The following FSTL4 variants were observed in gnomAD, a reference collection of about 807,000 sequenced individuals.
FSTL4 encodes follistatin-related protein 4.
A neutral mutation model predicts 78.2 loss-of-function variants in FSTL4; 28 were observed. The observed-to-expected ratio is 0.36, with a 90% CI of 0.27 to 0.49. The LOEUF (loss-of-function observed/expected upper bound fraction) is 0.49. Ranked by LOEUF, FSTL4 falls within the 20% of genes least tolerant of loss-of-function variation. The probability of loss-of-function intolerance (pLI) is 0.98; values close to 1 mark genes in which losing one functional copy is unlikely to be tolerated. For synonymous variants in FSTL4, 422 were observed against 440.5 expected (o/e 0.96, Z 0.53); for missense variants, 922 against 1,084.9 (o/e 0.85, Z 2.11).
chr5:133,329,056 C>T (rs1046846965), intron 4 of FSTL4, among the ~76,000 whole-genome samples: 4 of 152,142 alleles, frequency 2.6e-5, no homozygotes, highest in African/African-American at 9.7e-5. Flanking sequence ...CTGAGGCTGT[C>T]GCTTCCTCCG....
At chr5:133,616,576 ACT>A (rs1329458978), upstream of FSTL4, among the ~76,000 whole-genome samples, 1 of 151,684 alleles carries the variant, frequency 6.6e-6, no homozygotes, top group Non-Finnish European at 1.5e-5. Context: ...TAATTTTTGT[ACT>A]TTTTGTAGAG....
intron 6 of FSTL4, among the ~76,000 whole-genome samples, chr5:133,251,730 G>T (rs142758538): frequency 1.3e-3 from 194 of 152,300 alleles, no homozygotes; most frequent in African/African-American, 4.6e-3. Flanking sequence ...TTTCTGTGAG[G>T]TGAACAACCA....
intron 3 of FSTL4, among the ~76,000 whole-genome samples, chr5:133,406,484 C>A (rs933969828): frequency 2.0e-5 from 3 of 152,194 alleles, no homozygotes; most frequent in Admixed American, 1.3e-4. Context: ...CCCCTCAGGG[C>A]TGCTGGTGGG....
intron 3 of FSTL4, among the ~76,000 whole-genome samples, chr5:133,552,979 A>T (rs1759718172): frequency 6.6e-6 from 1 of 152,212 alleles, no homozygotes; most frequent in South Asian, 2.1e-4. Context: ...TCTCAACTGT[A>T]GGGTTCAGGG....
rs551730073 is a variant in FSTL4, at chr5:133,400,817, G to A, written c.330C>T (p.Asn110=). The A allele has an allele frequency of 1.9e-5, 31 of 1,613,908 alleles. No individual in the cohort carries two copies. The highest frequency in any genetic ancestry group is 2.3e-5 in the Non-Finnish European group (27 of 1,179,994). Residue 110 remains asparagine, a synonymous_variant, in exon 4 of 16, where the codon AAC becomes AAT. Transcript: ENST00000265342. Reference sequence around the variant, plus strand: ...AAGCAGCACGGTGGAGCTTACAGTGGTTTTCATAAAACCTCCCATCAGAGC... The same window carrying A: ...AAGCAGCACGGTGGAGCTTACAGTGATTTTCATAAAACCTCCCATCAGAGC... ...VCGSDGRFYE[N]HCKLHRAACL...
chr5:133,495,786 A>G, intron 3 of FSTL4, among the ~76,000 whole-genome samples: 1 of 152,226 alleles, frequency 6.6e-6, no homozygotes, highest in African/African-American at 2.4e-5. Context: ...CACTGTGACC[A>G]AAATCTGTCT....
chr5:133,445,298 G>C lies in FSTL4; in HGVS notation c.161-44312C>G, dbSNP rs531233299. Among the ~76,000 whole-genome samples, 7 of 152,196 alleles carry C rather than the reference G, an allele frequency of 4.6e-5. No homozygotes were observed. The Middle Eastern group carries it at 0.014, about 296-fold the overall frequency. Reference sequence around the variant, plus strand: ...AGGTGAGGGACTGGCCTGGCTGCAGGAGTGCTCCCTCAGATCACTGCTGCG... The same window carrying C: ...AGGTGAGGGACTGGCCTGGCTGCAGCAGTGCTCCCTCAGATCACTGCTGCG... On this transcript the variant is annotated intron_variant, in intron 3 of 15. Transcript: ENST00000265342.
the FSTL4 span, among the ~76,000 whole-genome samples, chr5:133,684,297 C>A: frequency 6.6e-6 from 1 of 152,206 alleles, no homozygotes; most frequent in Admixed American, 6.5e-5. Flanking sequence ...TCCTCCCCGA[C>A]CCTCGCAGGT....
At chr5:133,613,329 G>A (rs894097360), upstream of FSTL4, among the ~76,000 whole-genome samples, 5 of 152,200 alleles carry the variant, frequency 3.3e-5, no homozygotes, top group African/African-American at 1.2e-4. Flanking sequence ...CCCTACCCAG[G>A]CCAGGCTGAT....
the FSTL4 span, among the ~76,000 whole-genome samples, chr5:133,660,653 T>C: frequency 6.6e-6 from 1 of 152,226 alleles, no homozygotes; most frequent in Non-Finnish European, 1.5e-5. Flanking sequence ...CTCCCCAGCC[T>C]GTGCCACTGG....
At chr5:133,582,387 G>A (rs994510774) in intron 2 of FSTL4, among the ~76,000 whole-genome samples, 4 of 152,210 alleles carry the variant, frequency 2.6e-5, no homozygotes, top group South Asian at 2.1e-4. Flanking sequence ...TGAGACTGCA[G>A]TGAGAGCTGA....
chr5:133,395,931 T>C (rs1002470168), intron 4 of FSTL4, among the ~76,000 whole-genome samples: 5 of 152,190 alleles, frequency 3.3e-5, no homozygotes, highest in Non-Finnish European at 7.3e-5. Flanking sequence ...CAGAGATACC[T>C]GATTCTCCCC....
At chr5:133,630,102 T>C in the FSTL4 span, among the ~76,000 whole-genome samples, 1 of 152,248 alleles carries the variant, frequency 6.6e-6, no homozygotes, top group Non-Finnish European at 1.5e-5. Flanking sequence ...AAGGATGCCC[T>C]CTCTCACCAC....
chr5:133,626,878 CT>C, the FSTL4 span, among the ~76,000 whole-genome samples: 1 of 152,074 alleles, frequency 6.6e-6, no homozygotes, highest in Non-Finnish European at 1.5e-5. Context: ...GTGGAGTATT[CT>C]GCAACTATTG....
chr5:133,695,054 T>C, the FSTL4 span, among the ~76,000 whole-genome samples: 52,874 of 151,936 alleles, frequency 0.35, 10,031 homozygotes, highest in African/African-American at 0.5. Flanking sequence ...AGGGCTAGGA[T>C]CCTCAGGTCC....
At chr5:133,431,780 T>C (rs930610400) in intron 3 of FSTL4, among the ~76,000 whole-genome samples, 1 of 152,168 alleles carries the variant, frequency 6.6e-6, no homozygotes, top group Non-Finnish European at 1.5e-5. Context: ...TACACATCAG[T>C]AAATAACCTG....
At chr5:133,827,092 C>A in the FSTL4 span, among the ~76,000 whole-genome samples, 3 of 152,228 alleles carry the variant, frequency 2.0e-5, no homozygotes, top group East Asian at 5.8e-4. Context: ...CATTTGCTTT[C>A]CCCACTCCAG....
intron 3 of FSTL4, among the ~76,000 whole-genome samples, chr5:133,486,174 G>GGA (rs1229537698): frequency 1.3e-5 from 2 of 152,080 alleles, no homozygotes; most frequent in Non-Finnish European, 2.9e-5. Context: ...GGGGAAGGAA[G>GGA]GAGAGAGAGA....
In FSTL4 at chr5:133,373,980, A is replaced by G. The variant is rs114495799; in HGVS notation, c.409+26758T>C. Among the ~76,000 whole-genome samples the G allele has an allele frequency of 4.8e-3, 725 of 152,308 alleles. 1 individual carries two copies. Among genetic ancestry groups the G allele is most frequent in the Non-Finnish European group, 7.1e-3 (486 of 68,028 alleles). On this transcript the variant is annotated intron_variant, in intron 4 of 15. Transcript: ENST00000265342. ...CTCTCCTGCAGTAACCACACTCAGC[A>G]GCACAGATGTGAGGGCTAAGCTGCT...
Sources: gnomAD v4.1 joint callset for allele counts (sites outside exome capture counted in the v4.1 genomes callset) on GRCh38, gnomAD v4.1.1 for gene constraint, MANE v1.5 for transcripts, NCBI Gene and HGNC (gene_info 2026-07-23, HGNC 2026-07-21) for gene names.